MAP4K5: variants seen among roughly 807,000 people sequenced by gnomAD.
MAP4K5 encodes mitogen-activated protein kinase kinase kinase kinase 5, also known as MAPK/ERK kinase kinase kinase 5.
Under a neutral mutation model 135.6 loss-of-function variants are expected in MAP4K5, and 82 were observed. The observed-to-expected ratio is 0.60, with a 90% CI of 0.51 to 0.73. The LOEUF is 0.73. MAP4K5 is among the 30% of genes least tolerant of loss of function. The pLI, the probability that MAP4K5 is intolerant of heterozygous loss-of-function variation, is 0.00. For synonymous variants in MAP4K5, 347 were observed against 335.0 expected, an observed-to-expected ratio of 1.04 and a Z score of -0.39; for missense variants, 907 against 1,010.9, an observed-to-expected ratio of 0.90 and a Z score of 1.39.
At chr14:50,535,093 T>C (rs897291175), upstream of MAP4K5, among the ~76,000 whole-genome samples, 5 of 152,234 alleles carry the variant, frequency 3.3e-5, no homozygotes, top group Admixed American at 2.0e-4. Context: ...ATTCTTAGTA[T>C]CTTCATGCTG....
At chr14:50,545,249 T>G (rs940492250) in intron 1 of MAP4K5, among the ~76,000 whole-genome samples, 3 of 152,214 alleles carry the variant, frequency 2.0e-5, no homozygotes, top group Admixed American at 6.5e-5. Flanking sequence ...GCGCCCTGTA[T>G]GTAAGTCCTA....
intron 4 of MAP4K5, 53 bp downstream of exon 4, chr14:50,486,051 G>A (rs1289931939): frequency 1.4e-6 from 1 of 703,278 alleles, no homozygotes; most frequent in Non-Finnish European, 2.5e-6. Context: ...AGAGAGTGTA[G>A]TAGCAAAGAA....
chr14:50,514,210 C>T (rs573949853), intron 2 of MAP4K5, among the ~76,000 whole-genome samples: 7 of 151,060 alleles, frequency 4.6e-5, no homozygotes, highest in South Asian at 2.1e-4. Context: ...CCTGAGTAGC[C>T]GGGACTAAGG....
intron 11 of MAP4K5, among the ~76,000 whole-genome samples, chr14:50,465,945 G>A (rs2036822676): frequency 6.6e-6 from 1 of 152,118 alleles, no homozygotes; most frequent in Non-Finnish European, 1.5e-5. Context: ...GTGGTGGCAT[G>A]TGCCTGTAGT....
chr14:50,543,951 A>C (rs1471398056), intron 1 of MAP4K5, among the ~76,000 whole-genome samples: 1 of 152,186 alleles, frequency 6.6e-6, no homozygotes, highest in African/African-American at 2.4e-5. Context: ...CCATCTGGCT[A>C]TTTTGGAGTC....
chr14:50,544,621 A>G (rs1472967854), intron 1 of MAP4K5, among the ~76,000 whole-genome samples: 4 of 152,188 alleles, frequency 2.6e-5, no homozygotes, highest in East Asian at 1.9e-4. Flanking sequence ...TTTTGAAAAC[A>G]TAAGAGGAGC....
At chr14:50,515,969 T>C (rs1595536750) in intron 2 of MAP4K5, among the ~76,000 whole-genome samples, 2 of 152,226 alleles carry the variant, frequency 1.3e-5, no homozygotes, top group South Asian at 4.1e-4. Context: ...ACAAACTTTT[T>C]CATTCCCACA....
intron 1 of MAP4K5, chr14:50,560,106 C>T (rs2038816586): frequency 2.5e-6 from 2 of 788,068 alleles, no homozygotes; most frequent in Non-Finnish European, 4.2e-6. Context: ...CTCCCTTTTC[C>T]TCCCCACTCC....
intron 2 of MAP4K5, among the ~76,000 whole-genome samples, chr14:50,528,831 T>C (rs1477559169): frequency 6.6e-6 from 1 of 152,166 alleles, no homozygotes; most frequent in Non-Finnish European, 1.5e-5. Flanking sequence ...TAAAACGTCC[T>C]AGGATGTTCA....
At chr14:50,555,618 C>G (rs2038756734) in intron 1 of MAP4K5, among the ~76,000 whole-genome samples, 1 of 152,152 alleles carries the variant, frequency 6.6e-6, no homozygotes, top group Non-Finnish European at 1.5e-5. Context: ...GGTATTATCC[C>G]TGGATGGCTT....
rs112424440 is a variant in MAP4K5 at position 50,522,834 on chromosome 14, A to G, written c.108+9108T>C. 2.8e-3 allele frequency among the ~76,000 whole-genome samples: 425 copies of G among 152,366 alleles called. 2 individuals carry two copies. Among genetic ancestry groups the G allele is most frequent in the African/African-American group, 9.3e-3 (388 of 41,582 alleles). On this transcript the variant is annotated intron_variant, in intron 2 of 32. Coordinates refer to ENST00000682126, the MANE Select transcript of MAP4K5 (RefSeq NM_006575.6). ...TCAAATGTCAGAGAAATAACATCACATACATCTATTTTTTATTACCTTCAG... is the reference window on the plus strand; with the variant it reads ...TCAAATGTCAGAGAAATAACATCACGTACATCTATTTTTTATTACCTTCAG...
At chr14:50,478,859 A>G (rs1221064783) in intron 6 of MAP4K5, among the ~76,000 whole-genome samples, 1 of 151,926 alleles carries the variant, frequency 6.6e-6, no homozygotes, top group Non-Finnish European at 1.5e-5. Context: ...TACTTTAAAG[A>G]TTTTCCACTG....
At chr14:50,513,469 A>G (rs950156072) in intron 2 of MAP4K5, among the ~76,000 whole-genome samples, 29 of 152,236 alleles carry the variant, frequency 1.9e-4, no homozygotes, top group Non-Finnish European at 3.5e-4. Flanking sequence ...GTTAATGAAG[A>G]AAAGTCTAAA....
At chr14:50,532,232 G>T (rs1347987434) in intron 1 of MAP4K5, 74 bp from the exon 2 acceptor site, 6 of 556,440 alleles carry the variant, frequency 1.1e-5, no homozygotes, top group Non-Finnish European at 1.6e-5. Context: ...CTCGCGGCCC[G>T]GCCCCTTCCC....
intron 17 of MAP4K5, 109 bp downstream of exon 17, chr14:50,445,970 T>C: frequency 1.7e-6 from 1 of 598,722 alleles, no homozygotes; most frequent in South Asian, 3.0e-5. Context: ...AAAACTCTAT[T>C]CATCTAAAAT....
chr14:50,509,085 A>G (rs1248829863), intron 2 of MAP4K5, among the ~76,000 whole-genome samples: 1 of 152,112 alleles, frequency 6.6e-6, no homozygotes, highest in African/African-American at 2.4e-5. Flanking sequence ...CTTTGCAGGG[A>G]CACAGATGAA....
In MAP4K5 at chr14:50,493,509, T is replaced by TA. The variant is rs1403108867; in HGVS notation, c.167-7316dup. Among the ~76,000 whole-genome samples, 4 of 152,078 alleles carry TA rather than the reference T, an allele frequency of 2.6e-5. No individual in the cohort carries two copies. The South Asian group carries it at 6.2e-4, about 24-fold the overall frequency. On this transcript the variant is annotated intron_variant, in intron 3 of 32. Coordinates refer to ENST00000682126, the MANE Select transcript of MAP4K5 (RefSeq NM_006575.6). ...TTACCCAAACTGGAAAGAAATAAGT[T>TA]AAAAAATCTCTGTTCACAGATGACA...
At chr14:50,444,536 C>T (rs1184730658) in intron 18 of MAP4K5, among the ~76,000 whole-genome samples, 2 of 151,988 alleles carry the variant, frequency 1.3e-5, no homozygotes, top group Non-Finnish European at 2.9e-5. Flanking sequence ...ATCACTTGAG[C>T]CCAGGGGTCT....
intron 3 of MAP4K5, among the ~76,000 whole-genome samples, chr14:50,501,518 TAAAA>T (rs1555357657): frequency 6.6e-6 from 1 of 151,810 alleles, no homozygotes; most frequent in Admixed American, 6.6e-5. Flanking sequence ...ATTCACATAT[TAAAA>T]AAAGAAAAAT....
Sources: allele counts gnomAD v4.1 joint callset (sites outside exome capture counted in the v4.1 genomes callset), GRCh38; gene constraint gnomAD v4.1.1; transcripts MANE v1.5; gene names NCBI Gene and HGNC (gene_info 2026-07-23, HGNC 2026-07-21).